RAPGEF1: variants seen among roughly 807,000 people sequenced by gnomAD.
RAPGEF1 encodes the protein CRK SH3-binding GNRP.
In RAPGEF1, 33 loss-of-function variants were observed where a neutral mutation model predicts 143.3. The observed-to-expected ratio is 0.23, with a 90% confidence interval of 0.17 to 0.31. The LOEUF (loss-of-function observed/expected upper bound fraction) is 0.31, where lower values mean the gene tolerates loss of function less well. Among genes scored for constraint, RAPGEF1 ranks in the 10% least tolerant of loss-of-function variants. RAPGEF1 has a pLI of 1.00. For synonymous variants in RAPGEF1, 629 were observed against 676.5 expected (o/e 0.93, Z 1.09); for missense variants, 1,199 against 1,645.4 (o/e 0.73, Z 4.69).
At chr9:131,592,631 C>T (rs895618830) in intron 17 of RAPGEF1, among the ~76,000 whole-genome samples, 1 of 152,134 alleles carries the variant, frequency 6.6e-6, no homozygotes, top group Admixed American at 6.5e-5. Flanking sequence ...TCTGCCTGTC[C>T]TAAGGCTTTA....
chr9:131,582,586 T>C lies in RAPGEF1; in HGVS notation c.3512+19A>G, dbSNP rs1347482108. On this transcript the variant is annotated intron_variant, in intron 25 of 26. Coordinates refer to ENST00000683357, the MANE Select transcript of RAPGEF1 (RefSeq NM_001377935.1). ...GCAAACCCAGGCGGGGCTGGGGGCC[T>C]GGAGGGGCTGCTACTCACAGGTACG... The C allele has an allele frequency of 2.0e-6, 3 of 1,486,526 alleles. No homozygotes were observed. The highest frequency in any genetic ancestry group is 1.3e-5 in the South Asian group (1 of 75,288). The allele number at this position is 1,486,526 out of a possible 1,614,324, so 92.1% of individuals were successfully genotyped here.
chr9:131,708,764 C>CT (rs1491268060), intron 1 of RAPGEF1, among the ~76,000 whole-genome samples: 1 of 150,364 alleles, frequency 6.7e-6, no homozygotes, highest in Non-Finnish European at 1.5e-5. Context: ...GACAGTTTCA[C>CT]TCTGTCACCC....
intron 12 of RAPGEF1, among the ~76,000 whole-genome samples, chr9:131,606,871 C>T (rs1047893359): frequency 2.2e-4 from 33 of 152,148 alleles, no homozygotes; most frequent in Admixed American, 1.8e-3. Context: ...ATGATCTGCC[C>T]GCCTCAGTCT....
intron 5 of RAPGEF1, 109 bp from the exon 6 acceptor site, chr9:131,630,433 C>T: frequency 9.8e-7 from 1 of 1,021,790 alleles, no homozygotes; most frequent in Non-Finnish European, 1.5e-6. Context: ...CATTTCTGTG[C>T]CTACAGATTC....
intron 1 of RAPGEF1, among the ~76,000 whole-genome samples, chr9:131,695,434 G>A (rs1001299940): frequency 6.6e-6 from 1 of 152,160 alleles, no homozygotes; most frequent in Non-Finnish European, 1.5e-5. Context: ...TGGCACAACC[G>A]AAAAAGAGCA....
rs766883155 is a variant in RAPGEF1 at position 131,626,375 on chromosome 9, C to T, written c.1249G>A (p.Ala417Thr). 8.7e-6 allele frequency: 14 copies of T among 1,611,160 alleles called. No individual in the cohort carries two copies. The highest frequency in any genetic ancestry group is 3.3e-4 in the Middle Eastern group (2 of 6,064). Residue 417 changes from alanine to threonine, a missense_variant, in exon 10 of 27, where the codon GCA (alanine) becomes ACA (threonine). By Grantham distance (58) the Ala-to-Thr change is moderately conservative. This residue lies in a region of RAPGEF1 where 613 missense variants were observed against 710.9 expected (regional missense o/e 0.86). Coordinates refer to ENST00000683357, the MANE Select transcript of RAPGEF1 (RefSeq NM_001377935.1). ...GCCGTCTGCTGAGGTATCTGGTCTG[C>T]GTTAGAGAGGTCTTGCTGGAGGAAT... ...YEFLQQDLSN[A>T]DQIPQQTAWN...
chr9:131,606,119 T>TAGCC (rs1425412563), intron 12 of RAPGEF1, among the ~76,000 whole-genome samples: 1 of 152,168 alleles, frequency 6.6e-6, no homozygotes, highest in African/African-American at 2.4e-5. Context: ...TGCCACCTTG[T>TAGCC]AGCCACAAGG....
intron 1 of RAPGEF1, among the ~76,000 whole-genome samples, chr9:131,670,163 C>T (rs1043213671): frequency 5.3e-5 from 8 of 152,192 alleles, no homozygotes; most frequent in African/African-American, 1.7e-4. Context: ...ACCAGCCACA[C>T]GGTCTCCTAA....
intron 1 of RAPGEF1, among the ~76,000 whole-genome samples, chr9:131,660,619 G>A (rs1434034787): frequency 6.6e-6 from 1 of 152,046 alleles, no homozygotes; most frequent in African/African-American, 2.4e-5. Context: ...CCCTCAAGCT[G>A]GCCTGTCTGC....
intron 1 of RAPGEF1, among the ~76,000 whole-genome samples, chr9:131,728,342 G>C (rs562039000): frequency 6.6e-6 from 1 of 152,312 alleles, no homozygotes; most frequent in East Asian, 1.9e-4. Flanking sequence ...GCTGAACGAA[G>C]ATGATTTAAT....
chr9:131,714,303 A>G (rs1835707094), intron 1 of RAPGEF1, among the ~76,000 whole-genome samples: 1 of 152,144 alleles, frequency 6.6e-6, no homozygotes, highest in Non-Finnish European at 1.5e-5. Flanking sequence ...AGGATCCTGC[A>G]AGGCGGTGCT....
chr9:131,704,240 C>T (rs1037620751), intron 1 of RAPGEF1, among the ~76,000 whole-genome samples: 22 of 150,588 alleles, frequency 1.5e-4, no homozygotes, highest in Admixed American at 1.3e-3. Context: ...TTAGCTGGCA[C>T]ACGGGCATCC....
intron 5 of RAPGEF1, among the ~76,000 whole-genome samples, chr9:131,636,239 C>T (rs1455518558): frequency 2.6e-5 from 4 of 152,238 alleles, no homozygotes; most frequent in Non-Finnish European, 5.9e-5. Context: ...CTCATATTTC[C>T]TATTATCTCT....
rs549201601 is a variant in RAPGEF1 at position 131,602,105 on chromosome 9, C to T, written c.2457G>A (p.Ala819=). Reference sequence around the variant, plus strand: ...TGTCCTTCCCAGGGACGCCGCTGACCGCTGAGGGATCTCTGGGATGTCCGT... The same window carrying T: ...TGTCCTTCCCAGGGACGCCGCTGACTGCTGAGGGATCTCTGGGATGTCCGT... ...GKDGHPRDPS[A]VSGVPGKDSR... Residue 819 remains alanine (A), a synonymous_variant, in exon 15 of 27, where the codon GCG becomes GCA. Coordinates refer to ENST00000683357, the MANE Select transcript of RAPGEF1 (RefSeq NM_001377935.1). 2.9e-5 allele frequency: 46 copies of T among 1,603,964 alleles called. No individual in the cohort carries two copies. The East Asian group carries it at 6.5e-4, about 23-fold the overall frequency.
rs1951406924 is a variant in RAPGEF1, at chr9:131,578,176, T to C, written c.*1321A>G. 1 of 152,330 alleles carries C rather than the reference T, an allele frequency of 6.6e-6. No individual in the cohort carries two copies. Among genetic ancestry groups the C allele is most frequent in the South Asian group, 2.1e-4 (1 of 4,838 alleles). 9.4% of individuals were successfully genotyped at this position (152,330 alleles called of 1,614,324 possible). ...CCGCAGCGCCCTGCCTGCAGGCTCATGCTGGAGGCCACGGAACCAGGCGGC... is the reference window on the plus strand; with the variant it reads ...CCGCAGCGCCCTGCCTGCAGGCTCACGCTGGAGGCCACGGAACCAGGCGGC... On this transcript the variant is annotated 3_prime_UTR_variant, in exon 27 of 27. Coordinates refer to ENST00000683357, the MANE Select transcript of RAPGEF1 (RefSeq NM_001377935.1).
At chr9:131,736,239 C>A (rs749663856) in intron 1 of RAPGEF1, among the ~76,000 whole-genome samples, 4 of 152,144 alleles carry the variant, frequency 2.6e-5, no homozygotes, top group Non-Finnish European at 5.9e-5. Flanking sequence ...CTAATCTGTC[C>A]AGCTCTCTTC....
intron 1 of RAPGEF1, 116 bp from the exon 2 acceptor site, chr9:131,651,065 AG>A: frequency 7.7e-7 from 1 of 1,297,344 alleles, no homozygotes. Flanking sequence ...GGCTGTTGAG[AG>A]TTTCAAGGGA....
chr9:131,637,832 C>A (rs946148322), intron 5 of RAPGEF1, among the ~76,000 whole-genome samples: 1 of 152,212 alleles, frequency 6.6e-6, no homozygotes, highest in African/African-American at 2.4e-5. Flanking sequence ...ACTTAAGGTG[C>A]AGAGCAGTTG....
At chr9:131,630,704 T>C (rs996639557) in intron 5 of RAPGEF1, among the ~76,000 whole-genome samples, 2 of 152,112 alleles carry the variant, frequency 1.3e-5, no homozygotes, top group African/African-American at 4.8e-5. Flanking sequence ...CATTAGATCA[T>C]ATGCACGATG....
Sources: gnomAD v4.1 joint callset for allele counts (sites outside exome capture counted in the v4.1 genomes callset) on GRCh38, gnomAD v4.1.1 for gene constraint, gnomAD v4.1.1 regional missense constraint, MANE v1.5 for transcripts, NCBI Gene and HGNC (gene_info 2026-07-23, HGNC 2026-07-21) for gene names.